The following DENND3 variants were observed in gnomAD, a reference collection of about 807,000 sequenced individuals.
The protein encoded by DENND3 is DENN domain containing 3.
Under a neutral mutation model 135.1 loss-of-function variants are expected in DENND3, and 88 were observed. That is an observed-to-expected ratio of 0.65 (90% CI 0.55 to 0.78). The LOEUF is 0.78. Among genes scored for constraint, DENND3 ranks in the 30% least tolerant of loss-of-function variants. The pLI is 0.00. For synonymous variants in DENND3, 693 were observed against 712.3 expected (o/e 0.97, Z 0.43); for missense variants, 1,392 against 1,688.4 (o/e 0.82, Z 3.08).
At chr8:141,191,106 C>A (rs1824690407) in intron 20 of DENND3, among the ~76,000 whole-genome samples, 1 of 152,232 alleles carries the variant, frequency 6.6e-6, no homozygotes, top group Admixed American at 6.5e-5. Flanking sequence ...TGTGTTTTGA[C>A]AAACATCTAA....
At position 141,195,601 on chromosome 8, in the gene DENND3, C is replaced by T. The variant is rs1347558265; in HGVS notation, c.*1368C>T. On this transcript the variant is annotated 3_prime_UTR_variant, in exon 23 of 23. Coordinates refer to ENST00000519811, the MANE Select transcript of DENND3 (RefSeq NM_001352890.3). ...GTGGGCAGAGAGAATTATGTGGCCTCATCCTCCCCCAAGGCTGTGCTTGCA... is the reference window on the plus strand; with the variant it reads ...GTGGGCAGAGAGAATTATGTGGCCTTATCCTCCCCCAAGGCTGTGCTTGCA... 2 of 152,244 alleles carry T rather than the reference C, an allele frequency of 1.3e-5. No individual in the cohort carries two copies. The highest frequency in any genetic ancestry group is 4.8e-5 in the African/African-American group (2 of 41,460). 9.4% of individuals were successfully genotyped at this position (152,244 alleles called of 1,614,324 possible).
Position 141,136,600 on chromosome 8 carries a change from A to T in DENND3, c.194A>T (p.Asp65Val). Reference sequence around the variant, plus strand: ...GTGCCTCCTTTTATCAGTAAAGAGGACAGTCAAATGGCCGGTGCCAACTGC... The same window carrying T: ...GTGCCTCCTTTTATCAGTAAAGAGGTCAGTCAAATGGCCGGTGCCAACTGC... ...IFVPPFISKE[D>V]SQMAGANCGT... Residue 65 changes from aspartate to valine, a missense_variant, in exon 2 of 23, where the codon GAC becomes GTC. Transcript: ENST00000519811. 1 of 1,596,866 alleles carries T rather than the reference A, an allele frequency of 6.3e-7. No individual in the cohort carries two copies. The highest frequency in any genetic ancestry group is 1.8e-5 in the Admixed American group (1 of 56,994).
intron 17 of DENND3, among the ~76,000 whole-genome samples, chr8:141,181,115 C>T (rs920755107): frequency 6.6e-6 from 1 of 152,220 alleles, no homozygotes; most frequent in African/African-American, 2.4e-5. Context: ...GAGCTCCCGC[C>T]CCAGGGCTGC....
chr8:141,143,059 CA>C (rs1281415403), intron 4 of DENND3: 2 of 152,296 alleles, frequency 1.3e-5, no homozygotes, highest in African/African-American at 4.8e-5. Flanking sequence ...GCTGTGTGAT[CA>C]GAACTAGAAG....
chr8:141,183,160 C>T (rs1250583488), intron 17 of DENND3, among the ~76,000 whole-genome samples: 1 of 152,024 alleles, frequency 6.6e-6, no homozygotes, highest in Admixed American at 6.5e-5. Flanking sequence ...ATTTTCATGA[C>T]TTTATGGTAA....
At chr8:141,133,297 T>C (rs1434049754) in intron 1 of DENND3, among the ~76,000 whole-genome samples, 8 of 141,634 alleles carry the variant, frequency 5.6e-5, no homozygotes, top group Admixed American at 3.4e-4. Context: ...GCTGGCCTGC[T>C]GCTCAGGGGT....
chr8:141,164,219 T>C (rs1483447684), intron 10 of DENND3, among the ~76,000 whole-genome samples: 6 of 152,228 alleles, frequency 3.9e-5, no homozygotes, highest in Admixed American at 3.9e-4. Context: ...CAGCGGCGGC[T>C]CCTTTTTTTG....
rs1313804718 is a variant in DENND3 at position 141,139,637 on chromosome 8, A to T, written c.501+1500A>T. Among the ~76,000 whole-genome samples, 1 of 152,194 alleles carries T rather than the reference A, an allele frequency of 6.6e-6. No individual in the cohort carries two copies. The highest frequency in any genetic ancestry group is 1.5e-5 in the Non-Finnish European group (1 of 68,032). On this transcript the variant is annotated intron_variant, in intron 3 of 22. Coordinates refer to ENST00000519811, the MANE Select transcript of DENND3 (RefSeq NM_001352890.3). This position sits in a 1 kb window ranked among gnomAD's most constrained non-coding sequence, Gnocchi z 4.2. The stretch of plus-strand genomic sequence containing the variant: ...GGATCTTTCAGAAAAGCACCTTGGG[A>T]GTTTGCTTGTGAAATAACACTTACC...
chr8:141,151,618 G>C lies in DENND3; in HGVS notation c.856-1G>C. 6.2e-7 allele frequency: 1 copy of C among 1,613,560 alleles called. No homozygotes were observed. Among genetic ancestry groups the C allele is most frequent in the Non-Finnish European group, 8.5e-7 (1 of 1,179,842 alleles). ...CTCAGTGCGGCGGGTTCTCCCCTCA[G>C]ATCCTGACATGCATCCTGACGGAAC... is the stretch of plus-strand genomic sequence containing the variant. On this transcript the variant is annotated splice_acceptor_variant, in intron 6 of 22. Coordinates refer to ENST00000519811, the MANE Select transcript of DENND3 (RefSeq NM_001352890.3). LOFTEE classifies it high-confidence loss of function.
chr8:141,185,378 C>A, intron 18 of DENND3, 100 bp downstream of exon 18: 1 of 1,484,444 alleles, frequency 6.7e-7, no homozygotes, highest in East Asian at 2.3e-5. Context: ...CAAGCTATTC[C>A]ACAGCCTCAC....
rs1825136197 is a variant in DENND3, at chr8:141,194,352, T to C, written c.*119T>C. On this transcript the variant is annotated 3_prime_UTR_variant, in exon 23 of 23. Transcript: ENST00000519811. ...AGGGCAGAGCAGCCCAGGCTCAGCA[T>C]GGAGCCCACTTACCGTGTGGCCAGC... The C allele has an allele frequency of 5.6e-6, 7 of 1,240,116 alleles. No individual in the cohort carries two copies. The South Asian group carries it at 8.6e-5, about 15-fold the overall frequency. The allele number at this position is 1,240,116 out of a possible 1,614,324, so 76.8% of individuals were successfully genotyped here.
chr8:141,192,224 TC>T (rs546912377), intron 20 of DENND3, 106 bp from the exon 21 acceptor site: 14 of 1,484,746 alleles, frequency 9.4e-6, no homozygotes, highest in South Asian at 5.1e-5. Flanking sequence ...CACGTGGTGA[TC>T]CCCCCCATCA....
At chr8:141,185,039 C>A (rs1004835774) in intron 17 of DENND3, 100 bp from the exon 18 acceptor site, 17 of 1,476,382 alleles carry the variant, frequency 1.2e-5, no homozygotes, top group Middle Eastern at 2.5e-4. Context: ...GGGCCTGGCG[C>A]TTAGGAGGGC....
chr8:141,135,684 CTGTATTGGGCA>C (rs1816709340), intron 1 of DENND3, among the ~76,000 whole-genome samples: 2 of 152,102 alleles, frequency 1.3e-5, no homozygotes, highest in Non-Finnish European at 2.9e-5. Flanking sequence ...GTACTAGGAG[CTGTATTGGGCA>C]TAGTAGTAAC....
rs1168911446 is a variant in DENND3 at position 141,182,451 on chromosome 8, A to C, written c.2944+1597A>C. The C allele has an allele frequency of 2.0e-6, 2 of 985,314 alleles. No homozygotes were observed. The highest frequency in any genetic ancestry group is 2.4e-6 in the Non-Finnish European group (2 of 829,944). The allele number at this position is 985,314 out of a possible 1,614,324, so 61.0% of individuals were successfully genotyped here. A position where few individuals can be genotyped will look rare whatever the true frequency, so the allele number is the denominator to read the frequency against. ...CTGACTTCGCCAGAGATGACTCCAC[A>C]GACCAAGATACTTTGACCGTGGCAT... On this transcript the variant is annotated intron_variant, in intron 17 of 22. Coordinates refer to ENST00000519811, the MANE Select transcript of DENND3 (RefSeq NM_001352890.3). The surrounding 1 kb of genome is among the most constrained non-coding windows in gnomAD (Gnocchi z 5.9).
In DENND3 at chr8:141,150,854, C is replaced by G; in HGVS notation, c.756C>G (p.Leu252=). The G allele has an allele frequency of 6.2e-7, 1 of 1,604,952 alleles. No individual in the cohort carries two copies. Among genetic ancestry groups the G allele is most frequent in the Non-Finnish European group, 8.5e-7 (1 of 1,177,274 alleles). ...CGTAGGTATTTAACATGAAGTCGCT[C>G]CAGATTGTGTTACCTGCCCGAGCAG... ...PLHLVFNMKS[L]QIVLPARADP... Residue 252 remains leucine, a synonymous_variant, in exon 6 of 23, where the codon CTC becomes CTG. Transcript: ENST00000519811.
intron 1 of DENND3, chr8:141,129,788 C>CAGGAA (rs1216335726): frequency 6.6e-6 from 1 of 152,226 alleles, no homozygotes; most frequent in African/African-American, 2.4e-5. Context: ...AGGGTGTCAC[C>CAGGAA]AGGAAAGGCA....
chr8:141,157,502 G>C (rs1290468009), intron 8 of DENND3: 1 of 985,714 alleles, frequency 1.0e-6, no homozygotes, highest in East Asian at 1.1e-4. Flanking sequence ...ACGCTGGAGG[G>C]AGGGGAGCGC....
Position 141,145,825 on chromosome 8 carries a change from ATATATATATATATATATATATATATG to A in DENND3, c.735+1570_735+1595del, listed in dbSNP as rs1331479165. On this transcript the variant is annotated intron_variant, in intron 5 of 22. Coordinates refer to ENST00000519811, the MANE Select transcript of DENND3 (RefSeq NM_001352890.3). ...ATATTATATATATATATATATATAT[ATATATATATATATATATATATATATG>A]TATTTTTTTTTTTTTGAGGCGGAGT... is the stretch of plus-strand genomic sequence containing the variant. Among the ~76,000 whole-genome samples, 12 of 37,214 alleles carry A rather than the reference ATATATATATATATATATATATATATG, an allele frequency of 3.2e-4. 1 individual carries two copies. Among genetic ancestry groups the A allele is most frequent in the African/African-American group, 1.5e-3 (11 of 7,350 alleles). The allele number at this position is 37,214 out of a possible 152,430, so 24.4% of individuals were successfully genotyped here. A position where few individuals can be genotyped will look rare whatever the true frequency, so the allele number is the denominator to read the frequency against.
Sources: allele counts gnomAD v4.1 joint callset (sites outside exome capture counted in the v4.1 genomes callset), GRCh38; gene constraint gnomAD v4.1.1; non-coding constraint Gnocchi (gnomAD v3.1); transcripts MANE v1.5; gene names NCBI Gene and HGNC (gene_info 2026-07-23, HGNC 2026-07-21).